GNAZ: variants seen among roughly 807,000 people sequenced by gnomAD.
The protein encoded by GNAZ is G protein subunit alpha z.
GNAZ carries 3 observed loss-of-function variants against 25.4 expected under a neutral mutation model. The observed-to-expected ratio is 0.12, with a 90% CI of 0.05 to 0.30. The LOEUF (loss-of-function observed/expected upper bound fraction) is 0.30. Ranked by LOEUF, GNAZ falls within the 10% of genes least tolerant of loss-of-function variation. The probability of loss-of-function intolerance (pLI) is 1.00; values close to 1 mark genes in which losing one functional copy is unlikely to be tolerated. For missense variants in GNAZ, 241 were observed against 501.8 expected (o/e 0.48, Z 4.97); for synonymous variants, 211 against 205.7 (o/e 1.03, Z -0.22).
chr22:23,123,202 G>A lies in GNAZ; in HGVS notation c.839G>A (p.Arg280His), dbSNP rs774616807. 9.3e-6 allele frequency: 15 copies of A among 1,613,792 alleles called. No homozygotes were observed. The highest frequency in any genetic ancestry group is 3.3e-5 in the Admixed American group (2 of 59,988). The change falls in exon 3 of 3, where the codon CGC becomes CAC. Residue 280 changes from arginine to histidine, a missense_variant. By Grantham distance (29) the Arg-to-His change is conservative. Transcript: ENST00000615612. ...NKKDLLAEKI[R>H]RIPLTICFPE... ...AAGGACCTGCTGGCAGAGAAGATCC[G>A]CCGCATCCCGCTCACCATCTGCTTT... is the stretch of plus-strand genomic sequence containing the variant.
Position 23,079,001 on chromosome 22 carries a change from C to A in GNAZ, c.-450+8431C>A, listed in dbSNP as rs2068593908. On this transcript the variant is annotated intron_variant, in intron 1 of 2. Coordinates refer to ENST00000615612, the MANE Select transcript of GNAZ (RefSeq NM_002073.4). ...AGTCCCCAACTATCCCCTCCGTGAG[C>A]CACGTTGACCGATTCCTCACTCAGT... is the stretch of plus-strand genomic sequence containing the variant. Among the ~76,000 whole-genome samples the A allele has an allele frequency of 2.0e-5, 3 of 152,310 alleles. No homozygotes were observed. In the South Asian group the frequency reaches 6.2e-4, roughly 32 times the overall value.
chr22:23,123,857 C>A lies in GNAZ; in HGVS notation c.*426C>A. On this transcript the variant is annotated 3_prime_UTR_variant, in exon 3 of 3. Transcript: ENST00000615612. ...TGCACCCCTGTCGCCTGGAGGAGGG[C>A]CAGCTCGCTGCCCGAGCTCTGGCCT... 1 of 222,554 alleles carries A rather than the reference C, an allele frequency of 4.5e-6. No individual in the cohort carries two copies. Among genetic ancestry groups the A allele is most frequent in the Non-Finnish European group, 9.0e-6 (1 of 111,104 alleles). The allele number at this position is 222,554 out of a possible 1,614,324, so 13.8% of individuals were successfully genotyped here.
chr22:23,096,483 A>G, intron 2 of GNAZ, 65 bp downstream of exon 2: 3 of 1,507,478 alleles, frequency 2.0e-6, no homozygotes, highest in Non-Finnish European at 2.7e-6. Flanking sequence ...AAGCAAGAGG[A>G]CTCGTGAGGT....
intron 2 of GNAZ, 107 bp downstream of exon 2, chr22:23,096,525 G>A (rs2069129094): frequency 1.7e-6 from 2 of 1,209,380 alleles, no homozygotes; most frequent in Non-Finnish European, 2.3e-6. Flanking sequence ...AAGGGAACCA[G>A]GCGCAGGCCT....
At chr22:23,077,564 C>T (rs1389972129) in intron 1 of GNAZ, among the ~76,000 whole-genome samples, 2 of 152,088 alleles carry the variant, frequency 1.3e-5, no homozygotes, top group East Asian at 1.9e-4. Context: ...GGTGCTAAAC[C>T]GTGTGGTTTC....
In GNAZ at chr22:23,109,133, G is replaced by GT. The variant is rs200359380; in HGVS notation, c.723+12718dup. ...CCTCCTTGGAAGACCTATTGACCAC[G>GT]TTTCTCTTGTGACGCACTTCACTGT... On this transcript the variant is annotated intron_variant, in intron 2 of 2. Coordinates refer to ENST00000615612, the MANE Select transcript of GNAZ (RefSeq NM_002073.4). Among the ~76,000 whole-genome samples the GT allele has an allele frequency of 5.9e-3, 897 of 152,270 alleles. 9 individuals are homozygous for GT. Among genetic ancestry groups the GT allele is most frequent in the Middle Eastern group, 0.027 (8 of 294 alleles).
chr22:23,118,763 A>G (rs2069926085), intron 2 of GNAZ, among the ~76,000 whole-genome samples: 1 of 152,182 alleles, frequency 6.6e-6, no homozygotes, highest in Non-Finnish European at 1.5e-5. Context: ...GCAGGGCCAC[A>G]TGACTCCAAA....
At chr22:23,072,897 C>G (rs149550759) in intron 1 of GNAZ, among the ~76,000 whole-genome samples, 1 of 152,208 alleles carries the variant, frequency 6.6e-6, no homozygotes, top group Admixed American at 6.5e-5. Context: ...CAGTCTGGCC[C>G]TCAGGAGCTT....
intron 2 of GNAZ, chr22:23,122,702 GGT>G (rs2070065151): frequency 3.9e-6 from 1 of 258,822 alleles, no homozygotes; most frequent in Admixed American, 4.8e-5. Flanking sequence ...TCCTTGTACA[GGT>G]GTGGGGCAGC....
intron 1 of GNAZ, among the ~76,000 whole-genome samples, chr22:23,085,835 T>C (rs2068803056): frequency 6.6e-6 from 1 of 152,236 alleles, no homozygotes; most frequent in Non-Finnish European, 1.5e-5. Flanking sequence ...AGGCCACAGC[T>C]ATGAGTGGCA....
In GNAZ at chr22:23,071,439, G is replaced by C. The variant is rs1406910111; in HGVS notation, c.-450+869G>C. ...TTGGGGTGGAGGGACCCGCCTGGTA[G>C]AGAGGTCTGTCTTGCTTGGGGAGAC... On this transcript the variant is annotated intron_variant, in intron 1 of 2. Coordinates refer to ENST00000615612, the MANE Select transcript of GNAZ (RefSeq NM_002073.4). The surrounding 1 kb of genome is among the most constrained non-coding windows in gnomAD (Gnocchi z 4.1). Among the ~76,000 whole-genome samples, 1 of 152,214 alleles carries C rather than the reference G, an allele frequency of 6.6e-6. No homozygotes were observed. Among genetic ancestry groups the C allele is most frequent in the Non-Finnish European group, 1.5e-5 (1 of 68,026 alleles).
At chr22:23,118,558 T>C (rs200136239) in intron 2 of GNAZ, among the ~76,000 whole-genome samples, 3 of 149,232 alleles carry the variant, frequency 2.0e-5, no homozygotes, top group African/African-American at 7.4e-5. Context: ...ACTGTGGCAG[T>C]TGGAAAATAC....
intron 2 of GNAZ, among the ~76,000 whole-genome samples, chr22:23,106,582 G>A (rs2069484255): frequency 6.6e-6 from 1 of 152,222 alleles, no homozygotes; most frequent in Non-Finnish European, 1.5e-5. Context: ...CCCTCCCCTG[G>A]CTAGTGAGGA....
In GNAZ at chr22:23,123,386, A is replaced by G; in HGVS notation, c.1023A>G (p.Thr341=). The G allele has an allele frequency of 1.2e-6, 2 of 1,613,870 alleles. No homozygotes were observed. The highest frequency in any genetic ancestry group is 1.1e-5 in the South Asian group (1 of 91,062). ...TCCAGTTTGTCTTCGACGCGGTGAC[A>G]GACGTCATCATACAGAACAATCTCA... is the stretch of plus-strand genomic sequence containing the variant. The part of the protein sequence containing the change: ...SNIQFVFDAV[T]DVIIQNNLKY... The change falls in exon 3 of 3, where the codon ACA becomes ACG. Residue 341 remains threonine (T), a synonymous_variant. Coordinates refer to ENST00000615612, the MANE Select transcript of GNAZ (RefSeq NM_002073.4).
At position 23,124,010 on chromosome 22, in the gene GNAZ, A is replaced by T. The variant is rs2070105038; in HGVS notation, c.*579A>T. 4.3e-6 allele frequency: 1 copy of T among 231,328 alleles called. No homozygotes were observed. The highest frequency in any genetic ancestry group is 2.4e-5 in the African/African-American group (1 of 42,344). The allele number at this position is 231,328 out of a possible 1,614,324, so 14.3% of individuals were successfully genotyped here. On this transcript the variant is annotated 3_prime_UTR_variant, in exon 3 of 3. Coordinates refer to ENST00000615612, the MANE Select transcript of GNAZ (RefSeq NM_002073.4). ...GGGACCTTAGGAGCCGGGTGACAGC[A>T]CTAACCAGACCTCCAGCCACTCACA...
At chr22:23,115,371 G>A (rs2069795916) in intron 2 of GNAZ, among the ~76,000 whole-genome samples, 1 of 152,214 alleles carries the variant, frequency 6.6e-6, no homozygotes, top group East Asian at 1.9e-4. Context: ...TGGATCCAGA[G>A]TAGGGAGGTG....
At chr22:23,085,339 C>T (rs1361161275) in intron 1 of GNAZ, among the ~76,000 whole-genome samples, 2 of 152,218 alleles carry the variant, frequency 1.3e-5, no homozygotes, top group African/African-American at 4.8e-5. Context: ...ACAGACTCAG[C>T]TTGTTCCCCA....
intron 2 of GNAZ, among the ~76,000 whole-genome samples, chr22:23,114,290 T>A (rs1030482211): frequency 3.9e-5 from 6 of 152,160 alleles, no homozygotes; most frequent in African/African-American, 9.7e-5. Flanking sequence ...ACTCCCAGCT[T>A]TTCTACAGTG....
At chr22:23,086,338 G>A (rs1023382667) in intron 1 of GNAZ, among the ~76,000 whole-genome samples, 2 of 152,186 alleles carry the variant, frequency 1.3e-5, no homozygotes, top group African/African-American at 2.4e-5. Flanking sequence ...TTCTACAGCC[G>A]TAAAGCCGAG....
Sources: allele counts gnomAD v4.1 joint callset (sites outside exome capture counted in the v4.1 genomes callset), GRCh38; gene constraint gnomAD v4.1.1; non-coding constraint Gnocchi (gnomAD v3.1); transcripts MANE v1.5; gene names NCBI Gene and HGNC (gene_info 2026-07-23, HGNC 2026-07-21).